RP9: variants seen among roughly 807,000 people sequenced by gnomAD.
RP9 encodes the protein retinitis pigmentosa 9 protein.
RP9 carries 23 observed loss-of-function variants against 32.6 expected under a neutral mutation model. The observed-to-expected ratio is 0.71, with a 90% CI of 0.51 to 1.00. The LOEUF (loss-of-function observed/expected upper bound fraction) is 1.00, where lower values mean the gene tolerates loss of function less well. Among genes scored for constraint, RP9 ranks in the 50% least tolerant of loss-of-function variants. RP9 has a pLI of 0.00. For synonymous variants in RP9, 94 were observed against 103.6 expected (o/e 0.91, Z 0.56); for missense variants, 245 against 285.3 (o/e 0.86, Z 1.02).
chr7:33,102,250 A>T (rs1417873889), intron 1 of RP9, among the ~76,000 whole-genome samples: 1 of 152,258 alleles, frequency 6.6e-6, no homozygotes, highest in Non-Finnish European at 1.5e-5. Context: ...GTAGTATTTA[A>T]CTACTAAATA....
chr7:33,099,508 C>T lies in RP9; in HGVS notation c.184-72G>A, dbSNP rs562798930. ...TCTCTCCTGCTCCCCTTGGAGCCACCCTTGCCTGGCTTTTTCCTGGGCTTC... is the reference window on the plus strand; with the variant it reads ...TCTCTCCTGCTCCCCTTGGAGCCACTCTTGCCTGGCTTTTTCCTGGGCTTC... On this transcript the variant is annotated intron_variant, in intron 2 of 5. Transcript: ENST00000297157. 3 of 1,578,112 alleles carry T rather than the reference C, an allele frequency of 1.9e-6. 1 individual carries two copies. Among genetic ancestry groups the T allele is most frequent in the Admixed American group, 3.3e-5 (2 of 59,842 alleles).
intron 3 of RP9, among the ~76,000 whole-genome samples, chr7:33,098,321 C>CT (rs1241825125): frequency 6.6e-6 from 1 of 152,166 alleles, no homozygotes; most frequent in African/African-American, 2.4e-5. Flanking sequence ...GAGGTTGAGG[C>CT]TGCAGTAAGT....
In RP9 at chr7:33,109,262, G is replaced by C; in HGVS notation, c.111C>G (p.His37Gln). The change falls in exon 1 of 6, where the codon CAC becomes CAG. Residue 37 changes from histidine to glutamine, a missense_variant. His to Gln is a conservative substitution (Grantham distance 24). Around this residue, in one of 2 missense-constraint regions of RP9, gnomAD observed 182 missense variants for 175.5 expected, o/e 1.04. Coordinates refer to ENST00000297157, the MANE Select transcript of RP9 (RefSeq NM_203288.2). The surrounding 1 kb of genome is among the most constrained non-coding windows in gnomAD (Gnocchi z 4.9). ...TGAGCTGCTGCAGCTGCTGCGCGTC[G>C]TGTCGCCGCCGCTTCTGCTCCCGAC... is the stretch of plus-strand genomic sequence containing the variant. ...QRRREQKRRRHDAQQLQQLKH... is the reference protein window; with the variant it reads ...QRRREQKRRRQDAQQLQQLKH... 6.7e-7 allele frequency: 1 copy of C among 1,494,570 alleles called. No homozygotes were observed. 92.6% of individuals were successfully genotyped at this position (1,494,570 alleles called of 1,614,324 possible). A position where few individuals can be genotyped will look rare whatever the true frequency, so the allele number is the denominator to read the frequency against.
rs1788548191 is a variant in RP9 at position 33,109,327 on chromosome 7, G to A, written c.46C>T (p.Arg16Trp). The stretch of plus-strand genomic sequence containing the variant: ...TGCTCCGGCGGCTCACGCGGCCGCC[G>A]CGCGCCCGCAGCCCCCACGTCCTCG... Reference protein sequence around the residue: ...GREDVGAAGARRPREPPEQEL... With the variant: ...GREDVGAAGAWRPREPPEQEL... Residue 16 changes from arginine to tryptophan, a missense_variant, in exon 1 of 6, where the codon CGG becomes TGG. Arg to Trp is a moderately radical substitution (Grantham distance 101). Transcript: ENST00000297157. This position sits in a 1 kb window ranked among gnomAD's most constrained non-coding sequence, Gnocchi z 4.9. 2.1e-6 allele frequency: 3 copies of A among 1,456,862 alleles called. No homozygotes were observed. Among genetic ancestry groups the A allele is most frequent in the Non-Finnish European group, 2.7e-6 (3 of 1,108,778 alleles). 90.2% of individuals were successfully genotyped at this position (1,456,862 alleles called of 1,614,324 possible). A position where few individuals can be genotyped will look rare whatever the true frequency, so the allele number is the denominator to read the frequency against.
intron 1 of RP9, among the ~76,000 whole-genome samples, chr7:33,107,545 G>C (rs1788516025): frequency 6.6e-6 from 1 of 152,126 alleles, no homozygotes; most frequent in Non-Finnish European, 1.5e-5. Flanking sequence ...TGACTTGAAA[G>C]GGCCAGGACT....
rs146802517 is a variant in RP9, at chr7:33,096,523, C to T, written c.437G>A (p.Arg146Gln). ...AHEDPMYDIIRDNKRHEKDVR... is the reference protein window; with the variant it reads ...AHEDPMYDIIQDNKRHEKDVR... ...GTCCTTTTCATGTCGTTTATTGTCT[C>T]GTATGATGTCATACATGGGATCTTC... The change falls in exon 5 of 6, where the codon CGA becomes CAA. Residue 146 changes from arginine to glutamine, a missense_variant. Physicochemically the swap from Arg to Gln is conservative, Grantham distance 43. Coordinates refer to ENST00000297157, the MANE Select transcript of RP9 (RefSeq NM_203288.2). The T allele has an allele frequency of 1.2e-5, 19 of 1,613,112 alleles. No homozygotes were observed. Among genetic ancestry groups the T allele is most frequent in the Middle Eastern group, 1.7e-4 (1 of 6,048 alleles).
intron 3 of RP9, among the ~76,000 whole-genome samples, chr7:33,098,358 C>T (rs767623757): frequency 2.6e-5 from 4 of 152,078 alleles, no homozygotes; most frequent in African/African-American, 4.8e-5. Context: ...CACTCCAGCC[C>T]GGGTGACAGA....
At chr7:33,106,424 C>G (rs1442512562) in intron 1 of RP9, among the ~76,000 whole-genome samples, 1 of 152,172 alleles carries the variant, frequency 6.6e-6, no homozygotes, top group African/African-American at 2.4e-5. Context: ...GATCTTCCCA[C>G]CTCTACCTCC....
At chr7:33,095,685 C>G (rs1788321833) in intron 5 of RP9, among the ~76,000 whole-genome samples, 1 of 152,206 alleles carries the variant, frequency 6.6e-6, no homozygotes, top group African/African-American at 2.4e-5. Context: ...ACAGTCCTTA[C>G]AATTGTAATT....
Position 33,095,281 on chromosome 7 carries a change from G to C in RP9, c.619C>G (p.Arg207Gly), listed in dbSNP as rs762116266. The C allele has an allele frequency of 3.1e-6, 5 of 1,612,522 alleles. No individual in the cohort carries two copies. The highest frequency in any genetic ancestry group is 3.3e-4 in the Middle Eastern group (2 of 6,066). ...TTTGACTTGGAAGATTTGTGCTTCC[G>C]TTTTTTCTTCTTTTTCTTTTCTTTC... ...RKKEKKKKKK[R>G]KHKSSKSNEG... The change falls in exon 6 of 6, where the codon CGG (arginine) becomes GGG (glycine). Residue 207 changes from arginine (R) to glycine (G), a missense_variant. Transcript: ENST00000297157.
intron 1 of RP9, among the ~76,000 whole-genome samples, chr7:33,102,871 C>G (rs543242436): frequency 6.6e-5 from 10 of 152,170 alleles, no homozygotes; most frequent in African/African-American, 2.2e-4. Flanking sequence ...CAGGTGGAAG[C>G]CTCGGATGCC....
At chr7:33,097,662 C>T (rs1207473015) in intron 3 of RP9, among the ~76,000 whole-genome samples, 1 of 152,048 alleles carries the variant, frequency 6.6e-6, no homozygotes, top group Admixed American at 6.5e-5. Context: ...CTCTGTCGCT[C>T]AGGCTGGAGT....
At position 33,109,135 on chromosome 7, in the gene RP9, C is replaced by A; in HGVS notation, c.152+86G>T. On this transcript the variant is annotated intron_variant, in intron 1 of 5. Coordinates refer to ENST00000297157, the MANE Select transcript of RP9 (RefSeq NM_203288.2). This position sits in a 1 kb window ranked among gnomAD's most constrained non-coding sequence, Gnocchi z 4.9. ...CCTGCTCGCGGGGGCTCGGAGGACC[C>A]GGCCTAGCGCCCACCGCGGCGTCCC... is the stretch of plus-strand genomic sequence containing the variant. 7.0e-7 allele frequency: 1 copy of A among 1,431,902 alleles called. No homozygotes were observed. The allele number at this position is 1,431,902 out of a possible 1,614,324, so 88.7% of individuals were successfully genotyped here.
chr7:33,098,956 T>C (rs1160371964), intron 3 of RP9, among the ~76,000 whole-genome samples: 3 of 152,114 alleles, frequency 2.0e-5, no homozygotes, highest in African/African-American at 7.2e-5. Context: ...TGCAGAAAGA[T>C]GGTGTCTTAG....
At position 33,097,335 on chromosome 7, in the gene RP9, C is replaced by T. The variant is rs774286319; in HGVS notation, c.341G>A (p.Arg114Gln). Residue 114 changes from arginine to glutamine, a missense_variant, in exon 4 of 6, where the codon CGA (arginine) becomes CAA (glutamine). Arg to Gln is a conservative substitution (Grantham distance 43). This residue lies in a region of RP9 where 182 missense variants were observed against 175.5 expected (regional missense o/e 1.04). Transcript: ENST00000297157. ...GAAAGGGCATTCTTTGTCACCCGTT[C>T]GGTGACCATAGCGTTTGCAACGCCA... Reference protein sequence around the residue: ...QCWRCKRYGHRTGDKECPFFI... With the variant: ...QCWRCKRYGHQTGDKECPFFI... 6.2e-6 allele frequency: 10 copies of T among 1,613,698 alleles called. No homozygotes were observed. The highest frequency in any genetic ancestry group is 4.5e-5 in the East Asian group (2 of 44,878).
chr7:33,103,410 T>G (rs1449895910), intron 1 of RP9, among the ~76,000 whole-genome samples: 1 of 152,228 alleles, frequency 6.6e-6, no homozygotes. Context: ...AAGGGTACCC[T>G]GCAGCATGAG....
chr7:33,105,129 C>T (rs754541190), intron 1 of RP9, among the ~76,000 whole-genome samples: 11 of 152,076 alleles, frequency 7.2e-5, no homozygotes, highest in African/African-American at 1.5e-4. Flanking sequence ...ACTGCTGGAC[C>T]AGGTCTAAAA....
intron 4 of RP9, 96 bp from the exon 5 acceptor site, chr7:33,096,650 T>G: frequency 1.1e-6 from 1 of 871,896 alleles, no homozygotes; most frequent in South Asian, 1.3e-5. Context: ...GTTTATTTTT[T>G]TTTTTACTGT....
intron 1 of RP9, among the ~76,000 whole-genome samples, chr7:33,102,987 C>T (rs1788450160): frequency 3.3e-5 from 5 of 152,208 alleles, no homozygotes; most frequent in Admixed American, 2.0e-4. Flanking sequence ...TATAAAAGAG[C>T]ACTGTGGGGC....
Sources: allele counts gnomAD v4.1 joint callset (sites outside exome capture counted in the v4.1 genomes callset), GRCh38; gene constraint gnomAD v4.1.1; regional missense constraint gnomAD v4.1.1; non-coding constraint Gnocchi (gnomAD v3.1); transcripts MANE v1.5; gene names NCBI Gene and HGNC (gene_info 2026-07-23, HGNC 2026-07-21).